TRPC6: variants seen among roughly 807,000 people sequenced by gnomAD.
TRPC6 encodes transient receptor potential cation channel subfamily C member 6, also known as short transient receptor potential channel 6.
In TRPC6, 55 loss-of-function variants were observed where a neutral mutation model predicts 90.7. The observed-to-expected ratio is 0.61, with a 90% CI of 0.49 to 0.76. The LOEUF (loss-of-function observed/expected upper bound fraction) is 0.76, where lower values mean the gene tolerates loss of function less well. Ranked by LOEUF, TRPC6 falls within the 30% of genes least tolerant of loss-of-function variation. The pLI is 0.00. For missense variants in TRPC6, 989 were observed against 1,122.7 expected (o/e 0.88, Z 1.70); for synonymous variants, 393 against 393.0 (o/e 1.00, Z 0.00).
chr11:101,464,728 G>A (rs1168413711), intron 10 of TRPC6, among the ~76,000 whole-genome samples: 4 of 152,058 alleles, frequency 2.6e-5, no homozygotes, highest in African/African-American at 7.2e-5. Context: ...ATGCTGATGG[G>A]TCTTGACTCT....
At chr11:101,481,973 C>T (rs1859562545) in intron 5 of TRPC6, among the ~76,000 whole-genome samples, 1 of 152,168 alleles carries the variant, frequency 6.6e-6, no homozygotes, top group Non-Finnish European at 1.5e-5. Context: ...CCATGCCATC[C>T]TTGTCTCCCA....
chr11:101,574,544 T>C (rs61918376), intron 1 of TRPC6, among the ~76,000 whole-genome samples: 36,678 of 150,988 alleles, frequency 0.24, 6,093 homozygotes, highest in Non-Finnish European at 0.34. Context: ...CAAATGTTTG[T>C]TGAAATAAAT....
At chr11:101,494,100 G>A (rs901464835) in intron 2 of TRPC6, among the ~76,000 whole-genome samples, 14 of 152,104 alleles carry the variant, frequency 9.2e-5, no homozygotes, top group Admixed American at 2.6e-4. Flanking sequence ...ACAAGGAAAC[G>A]GCTTTGCCCA....
In TRPC6 at chr11:101,482,975, T is replaced by C. The variant is rs1231955948; in HGVS notation, c.1484A>G (p.Glu495Gly). Residue 495 changes from glutamate (E) to glycine (G), a missense_variant, in exon 5 of 13, where the codon GAG (glutamate) becomes GGG (glycine). This residue lies in a region of TRPC6 where 486 missense variants were observed against 591.9 expected (regional missense o/e 0.82). Coordinates refer to ENST00000344327, the MANE Select transcript of TRPC6 (RefSeq NM_004621.6). ...TATTACCCAGGATATAATGAGCATC[T>C]CCATCCATGAGAAGCAGGATGTTTT... ...RMKTSCFSWM[E>G]MLIISWVIGM... 1.9e-6 allele frequency: 3 copies of C among 1,613,896 alleles called. No individual in the cohort carries two copies. The African/African-American group carries it at 4.0e-5, about 22-fold the overall frequency.
At chr11:101,475,985 T>A (rs545677569) in intron 6 of TRPC6, among the ~76,000 whole-genome samples, 1 of 152,098 alleles carries the variant, frequency 6.6e-6, no homozygotes, top group Non-Finnish European at 1.5e-5. Flanking sequence ...GTGAACTATT[T>A]TTAATTAAAA....
rs534054726 is a variant in TRPC6, at chr11:101,533,482, C to T, written c.171-28684G>A. On this transcript the variant is annotated intron_variant, in intron 1 of 12. Transcript: ENST00000344327. Reference sequence around the variant, plus strand: ...AGCCATGAGGGATCTGCCACCATGACCCAAACACCTCCTGCCAGGCCCCAC... The same window carrying T: ...AGCCATGAGGGATCTGCCACCATGATCCAAACACCTCCTGCCAGGCCCCAC... Among the ~76,000 whole-genome samples, 4 of 152,294 alleles carry T rather than the reference C, an allele frequency of 2.6e-5. No homozygotes were observed. The East Asian group carries it at 7.8e-4, about 30-fold the overall frequency.
intron 1 of TRPC6, among the ~76,000 whole-genome samples, chr11:101,545,332 G>A (rs11224838): frequency 0.25 from 37,302 of 151,952 alleles, 4,917 homozygotes; most frequent in East Asian, 0.41. Flanking sequence ...GTATATAGGA[G>A]GGTGTGCCTA....
At chr11:101,497,180 G>A (rs372075051) in intron 2 of TRPC6, among the ~76,000 whole-genome samples, 6 of 152,096 alleles carry the variant, frequency 3.9e-5, no homozygotes, top group East Asian at 1.9e-4. Context: ...CTAATTTCAC[G>A]TCATTATGGA....
intron 10 of TRPC6, among the ~76,000 whole-genome samples, chr11:101,460,237 C>G (rs1371094536): frequency 6.6e-6 from 1 of 152,112 alleles, no homozygotes; most frequent in Non-Finnish European, 1.5e-5. Flanking sequence ...CCCTTGGTAT[C>G]CATGGGGGAT....
intron 10 of TRPC6, among the ~76,000 whole-genome samples, chr11:101,469,133 C>T (rs1859224674): frequency 1.3e-5 from 2 of 152,206 alleles, no homozygotes; most frequent in Admixed American, 1.3e-4. Flanking sequence ...TACCCTCCAT[C>T]AGGTTCCTGA....
intron 1 of TRPC6, among the ~76,000 whole-genome samples, chr11:101,520,651 A>G (rs1158240150): frequency 6.6e-6 from 1 of 152,182 alleles, no homozygotes; most frequent in Non-Finnish European, 1.5e-5. Flanking sequence ...AACCTCCTAG[A>G]GACTTGTTAA....
In TRPC6 at chr11:101,476,537, G is replaced by C. The variant is rs199770434; in HGVS notation, c.1511-3C>G. ...TTTACATTCAGCCCATATCATGCCTGCATCAGAAAGGGGTTAAAATATCAA... is the reference window on the plus strand; with the variant it reads ...TTTACATTCAGCCCATATCATGCCTCCATCAGAAAGGGGTTAAAATATCAA... On this transcript the variant is annotated splice_region_variant and splice_polypyrimidine_tract_variant and intron_variant, in intron 5 of 12. Coordinates refer to ENST00000344327, the MANE Select transcript of TRPC6 (RefSeq NM_004621.6). 1.9e-6 allele frequency: 3 copies of C among 1,607,086 alleles called. No homozygotes were observed. Among genetic ancestry groups the C allele is most frequent in the East Asian group, 2.2e-5 (1 of 44,838 alleles).
intron 1 of TRPC6, among the ~76,000 whole-genome samples, chr11:101,520,814 A>T (rs183299863): frequency 1.1e-4 from 16 of 152,286 alleles, no homozygotes; most frequent in East Asian, 1.9e-4. Flanking sequence ...CCCTTGCCTT[A>T]GGGGACTGTG....
intron 4 of TRPC6, among the ~76,000 whole-genome samples, chr11:101,484,824 T>C (rs575793508): frequency 5.3e-4 from 81 of 152,228 alleles, no homozygotes; most frequent in Admixed American, 1.4e-3. Flanking sequence ...GTAAATGCTA[T>C]GTAAATTTTT....
At chr11:101,505,214 A>G (rs1860231719) in intron 1 of TRPC6, among the ~76,000 whole-genome samples, 1 of 152,236 alleles carries the variant, frequency 6.6e-6, no homozygotes, top group African/African-American at 2.4e-5. Context: ...TCAAGTTAAC[A>G]AATATTTATT....
intron 4 of TRPC6, among the ~76,000 whole-genome samples, chr11:101,486,774 TA>T (rs1330296061): frequency 1.3e-5 from 2 of 152,170 alleles, no homozygotes; most frequent in Non-Finnish European, 2.9e-5. Flanking sequence ...CAAAATATTT[TA>T]AATATATTTG....
At chr11:101,546,823 A>T (rs190550103) in intron 1 of TRPC6, among the ~76,000 whole-genome samples, 1 of 152,316 alleles carries the variant, frequency 6.6e-6, no homozygotes, top group East Asian at 1.9e-4. Context: ...ATATCTATCA[A>T]TAATAGAATG....
At position 101,504,757 on chromosome 11, in the gene TRPC6, A is replaced by ACTGT; in HGVS notation, c.208_211dup (p.Val71AspfsTer5). Reference sequence around the variant, plus strand: ...TAACCTTCTCCCCTTCTCACGGAGAACTGTCTGCCGCCGGTGAGCCAGTCT... The same window carrying ACTGT: ...TAACCTTCTCCCCTTCTCACGGAGAACTGTCTGTCTGCCGCCGGTGAGCCAGTCT... On this transcript the variant is annotated frameshift_variant, in exon 2 of 13. Coordinates refer to ENST00000344327, the MANE Select transcript of TRPC6 (RefSeq NM_004621.6). LOFTEE classifies it high-confidence loss of function. The ACTGT allele has an allele frequency of 1.2e-6, 2 of 1,605,432 alleles. No homozygotes were observed. Among genetic ancestry groups the ACTGT allele is most frequent in the Non-Finnish European group, 1.7e-6 (2 of 1,176,064 alleles).
chr11:101,482,961 A>C lies in TRPC6; in HGVS notation c.1498T>G (p.Ser500Ala). 1.9e-6 allele frequency: 3 copies of C among 1,614,024 alleles called. No individual in the cohort carries two copies. The highest frequency in any genetic ancestry group is 2.5e-6 in the Non-Finnish European group (3 of 1,179,878). Residue 500 changes from serine to alanine, a missense_variant, in exon 5 of 13, where the codon TCC (serine) becomes GCC (alanine). Ser to Ala is a moderately conservative substitution (Grantham distance 99, BLOSUM62 1). Around this residue, in one of 4 missense-constraint regions of TRPC6, gnomAD observed 486 missense variants for 591.9 expected, o/e 0.82. Coordinates refer to ENST00000344327, the MANE Select transcript of TRPC6 (RefSeq NM_004621.6). Reference sequence around the variant, plus strand: ...AATCAGTCTTTACCTATTACCCAGGATATAATGAGCATCTCCATCCATGAG... The same window carrying C: ...AATCAGTCTTTACCTATTACCCAGGCTATAATGAGCATCTCCATCCATGAG... ...CFSWMEMLII[S>A]WVIGMIWAEC...
Sources: allele counts gnomAD v4.1 joint callset (sites outside exome capture counted in the v4.1 genomes callset), GRCh38; gene constraint gnomAD v4.1.1; regional missense constraint gnomAD v4.1.1; transcripts MANE v1.5; gene names NCBI Gene and HGNC (gene_info 2026-07-23, HGNC 2026-07-21).